Variants in CSMD1 observed in about 807,000 individuals in gnomAD.
CSMD1 encodes CUB and sushi domain-containing protein 1.
In CSMD1, 213 loss-of-function variants were observed where a neutral mutation model predicts 417.5. The ratio of observed to expected loss-of-function variants is 0.51; its 90% CI spans 0.46 to 0.57. The LOEUF (loss-of-function observed/expected upper bound fraction) is 0.57, where lower values mean the gene tolerates loss of function less well. Ranked by LOEUF, CSMD1 falls within the 20% of genes least tolerant of loss-of-function variation. The pLI is 0.00. For missense variants in CSMD1, 6,923 were observed against 4,529.7 expected, an observed-to-expected ratio of 1.53 and a Z score of -15.17; for synonymous variants, 2,862 against 1,736.8, an observed-to-expected ratio of 1.65 and a Z score of -16.11.
chr8:4,247,039 C>G (rs1210744120), intron 3 of CSMD1, among the ~76,000 whole-genome samples: 1 of 152,140 alleles, frequency 6.6e-6, no homozygotes, highest in Non-Finnish European at 1.5e-5. Flanking sequence ...TCATTCAAAA[C>G]CTTAAAATAT....
intron 15 of CSMD1, among the ~76,000 whole-genome samples, chr8:3,404,326 C>T (rs566197310): frequency 2.4e-4 from 19 of 79,262 alleles, no homozygotes; most frequent in East Asian, 6.9e-4. Context: ...CAGAGCCAGA[C>T]GCTATCTCAA....
At chr8:4,956,543 T>C (rs1285446421) in intron 1 of CSMD1, among the ~76,000 whole-genome samples, 1 of 149,472 alleles carries the variant, frequency 6.7e-6, no homozygotes, top group African/African-American at 2.4e-5. Context: ...ATAAAATATA[T>C]GTGTATATCA....
chr8:4,006,827 T>TTC (rs1213971451), intron 4 of CSMD1, among the ~76,000 whole-genome samples: 3 of 140,052 alleles, frequency 2.1e-5, no homozygotes, highest in African/African-American at 8.1e-5. Flanking sequence ...TTTCCTATTT[T>TTC]TTTTTTTTTT....
At chr8:3,208,015 A>T (rs955578923) in intron 30 of CSMD1, among the ~76,000 whole-genome samples, 5 of 152,184 alleles carry the variant, frequency 3.3e-5, no homozygotes, top group African/African-American at 1.2e-4. Flanking sequence ...TGTGAAGTCA[A>T]CCAGGTTATG....
At chr8:4,830,185 T>C (rs1035780371) in intron 1 of CSMD1, among the ~76,000 whole-genome samples, 1 of 152,188 alleles carries the variant, frequency 6.6e-6, no homozygotes, top group African/African-American at 2.4e-5. Flanking sequence ...TTTACAGCAA[T>C]GGGATTGTGA....
At position 4,719,695 on chromosome 8, in the gene CSMD1, A is replaced by G. The variant is rs370952291; in HGVS notation, c.86-82137T>C. Among the ~76,000 whole-genome samples, 6 of 152,200 alleles carry G rather than the reference A, an allele frequency of 3.9e-5. No individual in the cohort carries two copies. The East Asian group carries it at 5.8e-4, about 15-fold the overall frequency. ...CTTCCAGATGAAAGTAATTTGATTT[A>G]TGTATTTCAGTAAAAGCTACCCAGT... On this transcript the variant is annotated intron_variant, in intron 1 of 69. Coordinates refer to ENST00000635120, the MANE Select transcript of CSMD1 (RefSeq NM_033225.6).
chr8:4,685,432 G>A (rs1325920820), intron 1 of CSMD1, among the ~76,000 whole-genome samples: 4 of 151,952 alleles, frequency 2.6e-5, no homozygotes, highest in Admixed American at 2.6e-4. Context: ...AATACTAGCT[G>A]AGTGTGGTGG....
At chr8:3,846,972 GC>G (rs1427305663) in intron 5 of CSMD1, among the ~76,000 whole-genome samples, 18 of 152,232 alleles carry the variant, frequency 1.2e-4, no homozygotes, top group Middle Eastern at 3.4e-3. Context: ...ACTGCGCCTG[GC>G]CCCAGGATTT....
chr8:4,746,114 T>G (rs774190405), intron 1 of CSMD1, among the ~76,000 whole-genome samples: 1 of 152,250 alleles, frequency 6.6e-6, no homozygotes, highest in Non-Finnish European at 1.5e-5. Context: ...GTGCTCCTCC[T>G]GCTGTTAAAT....
intron 1 of CSMD1, among the ~76,000 whole-genome samples, chr8:4,654,442 G>C (rs1210867763): frequency 2.6e-5 from 4 of 152,022 alleles, no homozygotes; most frequent in African/African-American, 4.8e-5. Flanking sequence ...GTTTGGAAAA[G>C]GAAAGTAGGA....
At chr8:3,313,185 A>G (rs539086989) in intron 23 of CSMD1, among the ~76,000 whole-genome samples, 7 of 152,178 alleles carry the variant, frequency 4.6e-5, no homozygotes, top group East Asian at 3.9e-4. Context: ...AACCTAGGCA[A>G]TACCATTCAG....
intron 10 of CSMD1, among the ~76,000 whole-genome samples, chr8:3,548,372 G>A (rs776525514): frequency 2.0e-5 from 3 of 151,976 alleles, no homozygotes; most frequent in East Asian, 1.9e-4. Flanking sequence ...GTGGTGATTC[G>A]TGAGATTTTG....
intron 3 of CSMD1, among the ~76,000 whole-genome samples, chr8:4,226,678 T>C (rs1408581791): frequency 6.6e-6 from 1 of 152,180 alleles, no homozygotes; most frequent in Non-Finnish European, 1.5e-5. Flanking sequence ...AGTAAATGTA[T>C]TCCTTTAAAA....
intron 33 of CSMD1, among the ~76,000 whole-genome samples, chr8:3,191,501 T>G (rs922162): frequency 6.6e-6 from 1 of 151,882 alleles, no homozygotes; most frequent in African/African-American, 2.4e-5. Context: ...AGTTCTCTCT[T>G]GATGAGACTT....
intron 3 of CSMD1, among the ~76,000 whole-genome samples, chr8:4,414,606 TA>T (rs1407209822): frequency 4.6e-5 from 7 of 152,312 alleles, no homozygotes; most frequent in Admixed American, 3.9e-4. Context: ...TGATTTTTTT[TA>T]AACTTCTGCA....
chr8:4,861,745 A>T (rs1802144093), intron 1 of CSMD1, among the ~76,000 whole-genome samples: 2 of 152,098 alleles, frequency 1.3e-5, no homozygotes, highest in Non-Finnish European at 2.9e-5. Context: ...TGTACAAAGG[A>T]TGTACATTTT....
chr8:3,279,534 G>T (rs1802572720), intron 26 of CSMD1, among the ~76,000 whole-genome samples: 1 of 152,108 alleles, frequency 6.6e-6, no homozygotes, highest in South Asian at 2.1e-4. Flanking sequence ...CAATCCCAGT[G>T]GGATAATTTG....
rs748385550 is a variant in CSMD1 at position 3,108,706 on chromosome 8, A to C, written c.6651T>G (p.Ser2217Arg). ...DQNSPQLGVF[S>R]GNTALETAYS... ...ACGCCGTTTCGAGGGCTGTGTTGCC[A>C]CTGAAAACTCCCAGCTGGGGTGAGT... is the stretch of plus-strand genomic sequence containing the variant. The change falls in exon 44 of 70, where the codon AGT (serine) becomes AGG (arginine). Residue 2217 changes from serine to arginine, a missense_variant. Transcript: ENST00000635120. The C allele has an allele frequency of 1.9e-6, 3 of 1,613,502 alleles. No homozygotes were observed. The highest frequency in any genetic ancestry group is 1.7e-6 in the Non-Finnish European group (2 of 1,179,756).
intron 16 of CSMD1, 141 bp from the exon 17 acceptor site, chr8:3,396,522 TG>T (rs1157776478): frequency 1.7e-6 from 1 of 602,750 alleles, no homozygotes; most frequent in Non-Finnish European, 2.8e-6. Flanking sequence ...GCTTAAAACT[TG>T]GGTACAAATA....
Sources: gnomAD v4.1 joint callset for allele counts (sites outside exome capture counted in the v4.1 genomes callset) on GRCh38, gnomAD v4.1.1 for gene constraint, MANE v1.5 for transcripts, NCBI Gene and HGNC (gene_info 2026-07-23, HGNC 2026-07-21) for gene names.